Variants in VPS13D observed in about 807,000 individuals in gnomAD.
The protein encoded by VPS13D is vacuolar protein sorting 13 homolog D.
In VPS13D, 187 loss-of-function variants were observed where a neutral mutation model predicts 461.9. The observed-to-expected ratio is 0.40, with a 90% confidence interval of 0.36 to 0.46. VPS13D has a LOEUF of 0.46. Ranked by LOEUF, VPS13D falls within the 20% of genes least tolerant of loss-of-function variation. VPS13D has a pLI of 0.60. For missense variants in VPS13D, 4,711 were observed against 5,364.9 expected (o/e 0.88, Z 3.81); for synonymous variants, 1,951 against 1,986.3 (o/e 0.98, Z 0.47).
Position 12,333,305 on chromosome 1 carries a change from A to G in VPS13D, c.8367A>G (p.Arg2789=). The change falls in exon 38 of 70, where the codon CGA becomes CGG. Residue 2789 remains arginine, a synonymous_variant. Coordinates refer to ENST00000620676, the MANE Select transcript of VPS13D (RefSeq NM_015378.4). ...QQAASRLHPP[R]LKLEAKAKPR... Reference sequence around the variant, plus strand: ...CAGCTAGTCGTCTCCATCCTCCTCGACTGAAGCTAGAAGCCAAGGCCAAAC... The same window carrying G: ...CAGCTAGTCGTCTCCATCCTCCTCGGCTGAAGCTAGAAGCCAAGGCCAAAC... The G allele has an allele frequency of 1.2e-6, 2 of 1,614,154 alleles. No homozygotes were observed. Among genetic ancestry groups the G allele is most frequent in the Non-Finnish European group, 1.7e-6 (2 of 1,180,004 alleles).
At chr1:12,353,548 A>C (rs969455793) in intron 46 of VPS13D, among the ~76,000 whole-genome samples, 3 of 151,466 alleles carry the variant, frequency 2.0e-5, no homozygotes, top group African/African-American at 4.8e-5. Context: ...AAAAAAAAAA[A>C]AAAAAAAACC....
intron 65 of VPS13D, among the ~76,000 whole-genome samples, chr1:12,438,084 G>A (rs1487498534): frequency 1.3e-5 from 2 of 152,096 alleles, no homozygotes; most frequent in African/African-American, 4.8e-5. Flanking sequence ...CCTAAAACTT[G>A]AGCATCTGTA....
At chr1:12,397,555 C>A (rs919138442) in intron 60 of VPS13D, among the ~76,000 whole-genome samples, 1 of 152,174 alleles carries the variant, frequency 6.6e-6, no homozygotes, top group Admixed American at 6.5e-5. Flanking sequence ...TCCATTCTTA[C>A]TGAGCATCAA....
At chr1:12,245,654 T>G (rs537369491) in intron 5 of VPS13D, among the ~76,000 whole-genome samples, 1 of 152,090 alleles carries the variant, frequency 6.6e-6, no homozygotes, top group East Asian at 1.9e-4. Context: ...AGCCGAGGAG[T>G]TGGGCTGCAA....
At chr1:12,258,185 G>T (rs1278419770) in intron 10 of VPS13D, 82 bp downstream of exon 10, 3 of 1,534,640 alleles carry the variant, frequency 2.0e-6, no homozygotes, top group African/African-American at 1.4e-5. Flanking sequence ...AATGGGATCT[G>T]TGAAGTAATA....
intron 65 of VPS13D, among the ~76,000 whole-genome samples, chr1:12,422,968 T>A (rs1300230630): frequency 6.6e-6 from 1 of 152,158 alleles, no homozygotes; most frequent in Non-Finnish European, 1.5e-5. Flanking sequence ...AGCCTCTTAT[T>A]TGATGTCACT....
At chr1:12,481,212 G>T (rs946152674) in intron 67 of VPS13D, among the ~76,000 whole-genome samples, 5 of 152,182 alleles carry the variant, frequency 3.3e-5, no homozygotes, top group African/African-American at 1.2e-4. Flanking sequence ...CCCAGGCAGG[G>T]GCCCAGGGCC....
intron 2 of VPS13D, among the ~76,000 whole-genome samples, chr1:12,242,020 G>A (rs1173325574): frequency 6.6e-6 from 1 of 152,024 alleles, no homozygotes; most frequent in Non-Finnish European, 1.5e-5. Flanking sequence ...AGACCCGCCG[G>A]CCACATCTGG....
rs768532881 is a variant in VPS13D at position 12,507,263 on chromosome 1, G to A, written c.13035+170G>A. The A allele has an allele frequency of 8.2e-6, 10 of 1,223,242 alleles. No individual in the cohort carries two copies. Among genetic ancestry groups the A allele is most frequent in the Non-Finnish European group, 1.2e-5 (10 of 838,192 alleles). 75.8% of individuals were successfully genotyped at this position (1,223,242 alleles called of 1,614,324 possible). A position where few individuals can be genotyped will look rare whatever the true frequency, so the allele number is the denominator to read the frequency against. On this transcript the variant is annotated intron_variant, in intron 69 of 69. Coordinates refer to ENST00000620676, the MANE Select transcript of VPS13D (RefSeq NM_015378.4). The surrounding 1 kb of genome is among the most constrained non-coding windows in gnomAD (Gnocchi z 5.3). Reference sequence around the variant, plus strand: ...TGGGAGGGGCCCAGGGTATGTTCACGGGGCGATGCTGCCCTCCCAGCTGGC... The same window carrying A: ...TGGGAGGGGCCCAGGGTATGTTCACAGGGCGATGCTGCCCTCCCAGCTGGC...
At chr1:12,457,733 T>C (rs1645348834) in intron 66 of VPS13D, among the ~76,000 whole-genome samples, 1 of 152,190 alleles carries the variant, frequency 6.6e-6, no homozygotes, top group Admixed American at 6.5e-5. Flanking sequence ...TTCCTAATGG[T>C]GAGATTTGGA....
chr1:12,323,819 G>A (rs982788041), intron 35 of VPS13D, 39 bp downstream of exon 35: 5 of 1,593,184 alleles, frequency 3.1e-6, no homozygotes, highest in African/African-American at 1.3e-5. Context: ...TGTTTATCTT[G>A]ATGATATGCT....
intron 40 of VPS13D, among the ~76,000 whole-genome samples, chr1:12,340,464 G>A (rs1643544477): frequency 1.3e-5 from 2 of 152,082 alleles, no homozygotes; most frequent in South Asian, 4.1e-4. Flanking sequence ...TTTAAAAGAG[G>A]TAAGAGAAAA....
At chr1:12,267,779 G>C (rs1641316748) in intron 14 of VPS13D, 66 bp from the exon 15 acceptor site, 2 of 1,413,924 alleles carry the variant, frequency 1.4e-6, no homozygotes, top group South Asian at 1.2e-5. Flanking sequence ...GGGTAAGATG[G>C]GTTTGTTTAG....
chr1:12,460,277 C>T lies in VPS13D; in HGVS notation c.12543C>T (p.Phe4181=), dbSNP rs1377569348. 1.2e-6 allele frequency: 2 copies of T among 1,612,190 alleles called. No homozygotes were observed. The highest frequency in any genetic ancestry group is 1.7e-6 in the Non-Finnish European group (2 of 1,179,108). The change falls in exon 67 of 70, where the codon TTC becomes TTT. Residue 4181 remains phenylalanine, a synonymous_variant. Coordinates refer to ENST00000620676, the MANE Select transcript of VPS13D (RefSeq NM_015378.4). Reference sequence around the variant, plus strand: ...AAACAGAAGGGGGTGTCAGCGGTTTCATATCTGGCCTTGGAAAAGGGCTTG... The same window carrying T: ...AAACAGAAGGGGGTGTCAGCGGTTTTATATCTGGCCTTGGAAAAGGGCTTG... ...GVKTEGGVSG[F]ISGLGKGLVG...
At chr1:12,506,761 A>G (rs1023249912) in intron 68 of VPS13D, 92 bp from the exon 69 acceptor site, 6 of 1,497,524 alleles carry the variant, frequency 4.0e-6, no homozygotes, top group Non-Finnish European at 5.4e-6. Flanking sequence ...ATTCGCACTC[A>G]GGCCCTGGGG....
intron 16 of VPS13D, among the ~76,000 whole-genome samples, chr1:12,270,350 G>T (rs1294017709): frequency 6.6e-6 from 1 of 151,406 alleles, no homozygotes; most frequent in Non-Finnish European, 1.5e-5. Flanking sequence ...CCAGCTACTC[G>T]GGAGGCAGGA....
intron 21 of VPS13D, among the ~76,000 whole-genome samples, chr1:12,285,641 G>A (rs187266367): frequency 1.3e-5 from 2 of 152,106 alleles, no homozygotes; most frequent in Middle Eastern, 3.4e-3. Flanking sequence ...CTCTACATAC[G>A]TCAGTATTTA....
intron 15 of VPS13D, 127 bp downstream of exon 15, chr1:12,268,047 T>A: frequency 1.5e-6 from 1 of 681,164 alleles, no homozygotes; most frequent in Non-Finnish European, 2.4e-6. Context: ...CTGCAACCTC[T>A]GCCTCCCGGG....
At chr1:12,286,402 G>C (rs1182383696) in intron 21 of VPS13D, among the ~76,000 whole-genome samples, 1 of 152,142 alleles carries the variant, frequency 6.6e-6, no homozygotes, top group African/African-American at 2.4e-5. Context: ...TTTTGAATCA[G>C]GATCCAGGTA....
Sources: allele counts gnomAD v4.1 joint callset (sites outside exome capture counted in the v4.1 genomes callset), GRCh38; gene constraint gnomAD v4.1.1; non-coding constraint Gnocchi (gnomAD v3.1); transcripts MANE v1.5; gene names NCBI Gene and HGNC (gene_info 2026-07-23, HGNC 2026-07-21).